Variants in AGAP1 observed in about 807,000 individuals in gnomAD.
AGAP1 encodes ArfGAP with GTPase domain, ankyrin repeat and PH domain 1.
Under a neutral mutation model 105.3 loss-of-function variants are expected in AGAP1, and 29 were observed. The ratio of observed to expected loss-of-function variants is 0.28; its 90% confidence interval spans 0.21 to 0.38. AGAP1 has a LOEUF of 0.38. Among genes scored for constraint, AGAP1 ranks in the 10% least tolerant of loss-of-function variants. The probability of loss-of-function intolerance (pLI) is 1.00; values close to 1 mark genes in which losing one functional copy is unlikely to be tolerated. For synonymous variants in AGAP1, 509 were observed against 485.9 expected (o/e 1.05, Z -0.63); for missense variants, 998 against 1,165.1 (o/e 0.86, Z 2.09).
At chr2:235,683,763 T>C (rs1575119551) in intron 1 of AGAP1, among the ~76,000 whole-genome samples, 2 of 151,966 alleles carry the variant, frequency 1.3e-5, no homozygotes, top group East Asian at 3.9e-4. Context: ...GTTTGTTACA[T>C]AGGTATACAT....
intron 9 of AGAP1, among the ~76,000 whole-genome samples, chr2:235,834,458 G>C (rs1221966922): frequency 6.6e-6 from 1 of 152,172 alleles, no homozygotes; most frequent in African/African-American, 2.4e-5. Context: ...CTGTCCTCGT[G>C]CACCCACCCA....
Position 235,692,763 on chromosome 2 carries a change from C to T in AGAP1, c.164-16416C>T, listed in dbSNP as rs1034724385. On this transcript the variant is annotated intron_variant, in intron 1 of 17. Transcript: ENST00000304032. This position sits in a 1 kb window ranked among gnomAD's most constrained non-coding sequence, Gnocchi z 5.8. Reference sequence around the variant, plus strand: ...GTCCTGCATGGCATTTGTTACAGCCCGCAGTCACAGGTCTTGCGGTGGACT... The same window carrying T: ...GTCCTGCATGGCATTTGTTACAGCCTGCAGTCACAGGTCTTGCGGTGGACT... 6.0e-4 allele frequency among the ~76,000 whole-genome samples: 92 copies of T among 152,200 alleles called. 1 individual carries two copies. Among genetic ancestry groups the T allele is most frequent in the South Asian group, 2.1e-4 (1 of 4,824 alleles).
rs2050059417 is a variant in AGAP1, at chr2:235,882,208, G to T, written c.1051-1137G>T. On this transcript the variant is annotated intron_variant, in intron 9 of 17. Coordinates refer to ENST00000304032, the MANE Select transcript of AGAP1 (RefSeq NM_001037131.3). This position sits in a 1 kb window ranked among gnomAD's most constrained non-coding sequence, Gnocchi z 4.6. The stretch of plus-strand genomic sequence containing the variant: ...AGAGAATTTGGCAATCTGATTGGGG[G>T]TGGTCCTTCAGAGACCCACAGGCCA... 6.6e-6 allele frequency among the ~76,000 whole-genome samples: 1 copy of T among 152,124 alleles called. No homozygotes were observed. Among genetic ancestry groups the T allele is most frequent in the Non-Finnish European group, 1.5e-5 (1 of 68,038 alleles).
At chr2:235,939,682 T>C (rs2053167096) in intron 12 of AGAP1, among the ~76,000 whole-genome samples, 1 of 152,174 alleles carries the variant, frequency 6.6e-6, no homozygotes, top group South Asian at 2.1e-4. Flanking sequence ...GGAGCACCCC[T>C]TGGTTCCCGT....
At chr2:236,107,978 G>C (rs1410697466) in intron 16 of AGAP1, among the ~76,000 whole-genome samples, 3 of 152,240 alleles carry the variant, frequency 2.0e-5, no homozygotes, top group Non-Finnish European at 4.4e-5. Flanking sequence ...CAGAAGTCAG[G>C]CGGGATATTT....
rs4663625 is a variant in AGAP1 at position 235,879,847 on chromosome 2, T to G, written c.1051-3498T>G. Among the ~76,000 whole-genome samples the G allele has an allele frequency of 1.3e-5, 2 of 151,998 alleles. No individual in the cohort carries two copies. Among genetic ancestry groups the G allele is most frequent in the African/African-American group, 4.8e-5 (2 of 41,374 alleles). On this transcript the variant is annotated intron_variant, in intron 9 of 17. Coordinates refer to ENST00000304032, the MANE Select transcript of AGAP1 (RefSeq NM_001037131.3). The surrounding 1 kb of genome is among the most constrained non-coding windows in gnomAD (Gnocchi z 5.0). The stretch of plus-strand genomic sequence containing the variant: ...CTCGGAGGAGGCTGGCGCAGGAGAA[T>G]TGCTTGAGCTGGAAAGTTCAAGGTT...
intron 1 of AGAP1, among the ~76,000 whole-genome samples, chr2:235,513,712 A>C (rs1025731776): frequency 6.6e-6 from 1 of 152,040 alleles, no homozygotes; most frequent in Non-Finnish European, 1.5e-5. Flanking sequence ...GTGCCATGGC[A>C]TGGGGAGCAG....
chr2:235,650,621 G>A (rs907886229), intron 1 of AGAP1, among the ~76,000 whole-genome samples: 1 of 152,174 alleles, frequency 6.6e-6, no homozygotes, highest in African/African-American at 2.4e-5. Flanking sequence ...AGTGTTCCTG[G>A]AAATTAGCTT....
At chr2:235,836,425 A>G (rs1377382931) in intron 9 of AGAP1, among the ~76,000 whole-genome samples, 2 of 152,190 alleles carry the variant, frequency 1.3e-5, no homozygotes, top group Non-Finnish European at 2.9e-5. Flanking sequence ...TAGGAAATGC[A>G]TCCACTCCCT....
intron 1 of AGAP1, among the ~76,000 whole-genome samples, chr2:235,542,193 A>G (rs1943465224): frequency 6.6e-6 from 1 of 151,456 alleles, no homozygotes; most frequent in South Asian, 2.1e-4. Flanking sequence ...CTAGGAAGCA[A>G]AGTGCAGTTC....
chr2:235,968,207 A>G (rs991915285), intron 12 of AGAP1, among the ~76,000 whole-genome samples: 3 of 152,224 alleles, frequency 2.0e-5, no homozygotes, highest in Admixed American at 1.3e-4. Context: ...AGGAGAATGC[A>G]TCCATAGCAT....
intron 1 of AGAP1, chr2:235,670,175 A>C (rs1948305849): frequency 1.7e-6 from 1 of 583,328 alleles, no homozygotes; most frequent in Non-Finnish European, 3.1e-6. Flanking sequence ...GCCCCCCAGA[A>C]AGACTGTCTA....
Position 235,788,663 on chromosome 2 carries a change from T to G in AGAP1, c.674-9096T>G, listed in dbSNP as rs1468012237. Among the ~76,000 whole-genome samples the G allele has an allele frequency of 6.6e-6, 1 of 151,928 alleles. No individual in the cohort carries two copies. The highest frequency in any genetic ancestry group is 1.5e-5 in the Non-Finnish European group (1 of 67,982). ...GACTGGTGGGCGTCCTGTTGGTGCA[T>G]GGGGCAGACTGAAGCCTGAGACATG... On this transcript the variant is annotated intron_variant, in intron 6 of 17. Coordinates refer to ENST00000304032, the MANE Select transcript of AGAP1 (RefSeq NM_001037131.3). The surrounding 1 kb of genome is among the most constrained non-coding windows in gnomAD (Gnocchi z 6.0).
chr2:235,752,584 T>C lies in AGAP1; in HGVS notation c.673+2096T>C, dbSNP rs1953538770. Among the ~76,000 whole-genome samples the C allele has an allele frequency of 6.6e-6, 1 of 152,164 alleles. No individual in the cohort carries two copies. The highest frequency in any genetic ancestry group is 1.5e-5 in the Non-Finnish European group (1 of 68,024). ...AGCAGAGATGAGGGTCTTTGCGGCC[T>C]GAGAAGCCCAGAATATTCACTCTCT... On this transcript the variant is annotated intron_variant, in intron 6 of 17. Transcript: ENST00000304032. The surrounding 1 kb of genome is among the most constrained non-coding windows in gnomAD (Gnocchi z 4.3).
In AGAP1 at chr2:235,901,151, G is replaced by A. The variant is rs886120991; in HGVS notation, c.1156-7587G>A. Among the ~76,000 whole-genome samples the A allele has an allele frequency of 6.6e-5, 10 of 152,190 alleles. No individual in the cohort carries two copies. Among genetic ancestry groups the A allele is most frequent in the Non-Finnish European group, 1.0e-4 (7 of 68,040 alleles). ...CATTGTTTATTATTCATAAATGTGGGATGTGAACGTTTGCTTGATCTTTTT... is the reference window on the plus strand; with the variant it reads ...CATTGTTTATTATTCATAAATGTGGAATGTGAACGTTTGCTTGATCTTTTT... On this transcript the variant is annotated intron_variant, in intron 10 of 17. Transcript: ENST00000304032. The surrounding 1 kb of genome is among the most constrained non-coding windows in gnomAD (Gnocchi z 4.3).
At chr2:235,715,266 G>A (rs1159586053) in intron 2 of AGAP1, among the ~76,000 whole-genome samples, 4 of 152,146 alleles carry the variant, frequency 2.6e-5, no homozygotes, top group Non-Finnish European at 5.9e-5. Flanking sequence ...GGACTTTGTT[G>A]GAGCCAGGGA....
At chr2:235,731,286 T>G (rs924453023) in intron 3 of AGAP1, among the ~76,000 whole-genome samples, 1 of 152,210 alleles carries the variant, frequency 6.6e-6, no homozygotes, top group African/African-American at 2.4e-5. Flanking sequence ...TGCGTTCCCC[T>G]TTGTTATTTT....
At chr2:236,054,956 C>T (rs1039812787) in intron 16 of AGAP1, among the ~76,000 whole-genome samples, 4 of 152,286 alleles carry the variant, frequency 2.6e-5, no homozygotes, top group African/African-American at 9.6e-5. Context: ...CCTGTGGTCT[C>T]TCAAGTGAGT....
chr2:235,764,006 C>T (rs1026175506), intron 6 of AGAP1, among the ~76,000 whole-genome samples: 3 of 152,008 alleles, frequency 2.0e-5, no homozygotes, highest in Non-Finnish European at 4.4e-5. Context: ...GTGATCCGTG[C>T]GTGGCTGTGA....
Sources: gnomAD v4.1 joint callset for allele counts (sites outside exome capture counted in the v4.1 genomes callset) on GRCh38, gnomAD v4.1.1 for gene constraint, Gnocchi (gnomAD v3.1) non-coding constraint, MANE v1.5 for transcripts, NCBI Gene and HGNC (gene_info 2026-07-23, HGNC 2026-07-21) for gene names.